SOX6: variants seen among roughly 807,000 people sequenced by gnomAD.
SOX6 encodes SRY-box transcription factor 6, also known as transcription factor SOX-6.
A neutral mutation model predicts 97.8 loss-of-function variants in SOX6; 11 were observed. The ratio of observed to expected loss-of-function variants is 0.11; its 90% confidence interval spans 0.07 to 0.19. SOX6 has a LOEUF of 0.19. SOX6 is among the 10% of genes least tolerant of loss of function. The pLI is 1.00. For missense variants in SOX6, 810 were observed against 1,039.5 expected, an observed-to-expected ratio of 0.78 and a Z score of 3.04; for synonymous variants, 360 against 371.4, an observed-to-expected ratio of 0.97 and a Z score of 0.35.
intron 3 of SOX6, among the ~76,000 whole-genome samples, chr11:16,708,369 T>C (rs572339211): frequency 1.1e-4 from 16 of 152,338 alleles, no homozygotes; most frequent in African/African-American, 3.6e-4. Context: ...CACATTCTTA[T>C]GCATCTGCCA....
chr11:16,452,646 T>C (rs768929633), intron 1 of SOX6, among the ~76,000 whole-genome samples: 8 of 152,212 alleles, frequency 5.3e-5, no homozygotes, highest in Non-Finnish European at 1.0e-4. Context: ...AATGTGCTGC[T>C]ATGGCCTGTA....
At chr11:16,448,215 A>G (rs549968523) in intron 1 of SOX6, among the ~76,000 whole-genome samples, 41 of 152,288 alleles carry the variant, frequency 2.7e-4, no homozygotes, top group African/African-American at 9.4e-4. Flanking sequence ...CAGTTTGCCA[A>G]ATGTTTCTGC....
chr11:16,216,775 T>C (rs1852385553), intron 4 of SOX6, among the ~76,000 whole-genome samples: 1 of 152,164 alleles, frequency 6.6e-6, no homozygotes, highest in African/African-American at 2.4e-5. Context: ...CCATGTCAGA[T>C]AGTGGTGATT....
intron 12 of SOX6, among the ~76,000 whole-genome samples, chr11:16,018,453 GA>G (rs1258915489): frequency 2.0e-5 from 3 of 149,932 alleles, no homozygotes; most frequent in African/African-American, 7.4e-5. Context: ...TTTCATCTAG[GA>G]AAAAAATCAA....
chr11:16,225,506 G>A (rs1330172786), intron 4 of SOX6, among the ~76,000 whole-genome samples: 1 of 148,472 alleles, frequency 6.7e-6, no homozygotes, highest in African/African-American at 2.5e-5. Context: ...AGAGTATTCT[G>A]TAGAAAAGGC....
At chr11:16,043,909 T>G (rs1855751407) in intron 12 of SOX6, among the ~76,000 whole-genome samples, 1 of 151,312 alleles carries the variant, frequency 6.6e-6, no homozygotes, top group Non-Finnish European at 1.5e-5. Context: ...GATGCAGGGG[T>G]ACAAAAGCTC....
At chr11:16,640,266 G>A (rs995350373) in intron 3 of SOX6, among the ~76,000 whole-genome samples, 6 of 152,288 alleles carry the variant, frequency 3.9e-5, no homozygotes, top group East Asian at 1.9e-4. Context: ...AAGCCCACTG[G>A]ATCATGGTGG....
rs1043896141 is a variant in SOX6, at chr11:16,340,918, C to T, written c.237+94G>A. 5.8e-6 allele frequency: 9 copies of T among 1,555,956 alleles called. No individual in the cohort carries two copies. In the African/African-American group the frequency reaches 1.1e-4, roughly 19 times the overall value. ...TGTTTCATGATCTACACAAAAATAA[C>T]TCTAAGGTCATCTATTTCCCTAAAA... On this transcript the variant is annotated intron_variant, in intron 2 of 15. Coordinates refer to ENST00000683767, the MANE Select transcript of SOX6 (RefSeq NM_001367873.1).
chr11:16,370,447 T>C (rs1857471108), intron 1 of SOX6, among the ~76,000 whole-genome samples: 1 of 152,142 alleles, frequency 6.6e-6, no homozygotes, highest in South Asian at 2.1e-4. Flanking sequence ...TTAGAATTTA[T>C]ATAATTCAGA....
chr11:16,312,856 T>G (rs1047472694), intron 3 of SOX6: 1 of 152,200 alleles, frequency 6.6e-6, no homozygotes, highest in African/African-American at 2.4e-5. Flanking sequence ...CTGAAGAATT[T>G]TAGCCTTGGA....
At chr11:16,438,436 G>A (rs1303242514) in intron 1 of SOX6, among the ~76,000 whole-genome samples, 1 of 152,112 alleles carries the variant, frequency 6.6e-6, no homozygotes, top group Non-Finnish European at 1.5e-5. Flanking sequence ...ATGGAGGCAT[G>A]TAAAAATGTT....
intron 3 of SOX6, among the ~76,000 whole-genome samples, chr11:16,652,489 G>C (rs1443364389): frequency 6.6e-6 from 1 of 151,982 alleles, no homozygotes; most frequent in African/African-American, 2.4e-5. Context: ...CTTTGACAAA[G>C]CAAACAAAAA....
intron 4 of SOX6, among the ~76,000 whole-genome samples, chr11:16,496,995 G>T (rs1451701300): frequency 6.6e-6 from 1 of 152,184 alleles, no homozygotes; most frequent in African/African-American, 2.4e-5. Context: ...CACAGCTGGA[G>T]ATCTGAGAAC....
At chr11:16,542,097 A>C (rs147026536) in intron 4 of SOX6, among the ~76,000 whole-genome samples, 5,118 of 152,330 alleles carry the variant, frequency 0.034, 277 homozygotes, top group African/African-American at 0.12. Flanking sequence ...GGATTAAGAA[A>C]ATATGGCACA....
At chr11:16,516,408 G>T (rs1364077459) in intron 4 of SOX6, among the ~76,000 whole-genome samples, 1 of 152,146 alleles carries the variant, frequency 6.6e-6, no homozygotes, top group Non-Finnish European at 1.5e-5. Context: ...TGTATCCTGA[G>T]ACTTTGCTGA....
At chr11:16,016,050 T>A (rs1247754774) in intron 12 of SOX6, among the ~76,000 whole-genome samples, 1 of 152,092 alleles carries the variant, frequency 6.6e-6, no homozygotes, top group Non-Finnish European at 1.5e-5. Context: ...CAGTCTATTG[T>A]TCAATGACCT....
At chr11:16,122,339 T>G (rs1849513389) in intron 6 of SOX6, among the ~76,000 whole-genome samples, 1 of 152,018 alleles carries the variant, frequency 6.6e-6, no homozygotes, top group Non-Finnish European at 1.5e-5. Context: ...CCTGTCTTAT[T>G]TCCAGAGAAG....
chr11:16,709,124 C>G (rs539684372), intron 3 of SOX6, among the ~76,000 whole-genome samples: 1 of 152,100 alleles, frequency 6.6e-6, no homozygotes, highest in Non-Finnish European at 1.5e-5. Context: ...GACAGAGGGG[C>G]CTGGTGGGAG....
chr11:16,651,685 T>C (rs955211540), intron 3 of SOX6, among the ~76,000 whole-genome samples: 5 of 151,960 alleles, frequency 3.3e-5, no homozygotes, highest in African/African-American at 9.7e-5. Flanking sequence ...CAGGGAAAAA[T>C]TGAAAGCATT....
Sources: allele counts gnomAD v4.1 joint callset (sites outside exome capture counted in the v4.1 genomes callset), GRCh38; gene constraint gnomAD v4.1.1; transcripts MANE v1.5; gene names NCBI Gene and HGNC (gene_info 2026-07-23, HGNC 2026-07-21).